Variants in DOCK2 observed in about 807,000 individuals in gnomAD.
DOCK2 encodes the protein dedicator of cytokinesis 2.
A neutral mutation model predicts 248.9 loss-of-function variants in DOCK2; 87 were observed. The observed-to-expected ratio is 0.35, with a 90% confidence interval of 0.29 to 0.42. The LOEUF (loss-of-function observed/expected upper bound fraction) is 0.42, where lower values mean the gene tolerates loss of function less well. DOCK2 is among the 10% of genes least tolerant of loss of function. The pLI, the probability that DOCK2 is intolerant of heterozygous loss-of-function variation, is 1.00. For missense variants in DOCK2, 1,747 were observed against 2,300.2 expected, an observed-to-expected ratio of 0.76 and a Z score of 4.92; for synonymous variants, 805 against 821.6, an observed-to-expected ratio of 0.98 and a Z score of 0.35.
At chr5:169,640,491 G>A (rs184668889) in intron 1 of DOCK2, among the ~76,000 whole-genome samples, 23 of 152,304 alleles carry the variant, frequency 1.5e-4, no homozygotes, top group Admixed American at 1.5e-3. Flanking sequence ...AAGTTTATTA[G>A]CATGTACATC....
chr5:170,047,484 C>G, intron 39 of DOCK2, 26 bp from the exon 40 acceptor site: 1 of 1,608,406 alleles, frequency 6.2e-7, no homozygotes, highest in African/African-American at 1.3e-5. Context: ...ATCTGTGTTG[C>G]AACAAACCTT....
chr5:169,699,027 G>T (rs1760803511), intron 11 of DOCK2, among the ~76,000 whole-genome samples: 1 of 152,168 alleles, frequency 6.6e-6, no homozygotes, highest in Non-Finnish European at 1.5e-5. Context: ...CCTAAGGATG[G>T]TCCAGGTAAT....
chr5:169,720,640 C>T (rs1184811881), intron 22 of DOCK2, among the ~76,000 whole-genome samples: 1 of 152,188 alleles, frequency 6.6e-6, no homozygotes. Context: ...ATGAGATGGA[C>T]ACTGAGCGGC....
At chr5:169,713,130 T>C (rs1761678856) in intron 17 of DOCK2, among the ~76,000 whole-genome samples, 1 of 152,222 alleles carries the variant, frequency 6.6e-6, no homozygotes, top group Non-Finnish European at 1.5e-5. Flanking sequence ...AAAACCCCCT[T>C]TCTTCTGTAC....
chr5:170,019,707 G>A (rs977043502), intron 33 of DOCK2, among the ~76,000 whole-genome samples: 11 of 152,158 alleles, frequency 7.2e-5, no homozygotes, highest in Admixed American at 6.5e-4. Flanking sequence ...GGACAATGAG[G>A]TCCATTTCCC....
chr5:169,819,647 A>G (rs1581237785), intron 26 of DOCK2, among the ~76,000 whole-genome samples: 1 of 152,152 alleles, frequency 6.6e-6, no homozygotes, highest in African/African-American at 2.4e-5. Flanking sequence ...ATTGGGTTCC[A>G]AGATAGCCGA....
chr5:169,784,214 T>G (rs1044467396), intron 25 of DOCK2, among the ~76,000 whole-genome samples: 1 of 152,198 alleles, frequency 6.6e-6, no homozygotes, highest in Admixed American at 6.5e-5. Flanking sequence ...TATTTTTTCC[T>G]GGTAAGACTT....
At chr5:169,880,618 AT>A (rs1190088856) in intron 27 of DOCK2, among the ~76,000 whole-genome samples, 3 of 152,210 alleles carry the variant, frequency 2.0e-5, no homozygotes, top group African/African-American at 7.2e-5. Flanking sequence ...AAACCCTTGC[AT>A]TTGTTCAGAG....
intron 27 of DOCK2, among the ~76,000 whole-genome samples, chr5:169,943,843 G>C (rs777846527): frequency 2.6e-5 from 4 of 152,182 alleles, no homozygotes; most frequent in Non-Finnish European, 5.9e-5. Context: ...TTAAGTTTGA[G>C]AATCCTTACC....
chr5:169,902,276 C>T (rs1223050929), intron 27 of DOCK2, among the ~76,000 whole-genome samples: 1 of 152,192 alleles, frequency 6.6e-6, no homozygotes, highest in East Asian at 1.9e-4. Context: ...CAATGATAAC[C>T]AGCATCACTT....
Position 169,761,600 on chromosome 5 carries a change from C to T in DOCK2, c.2529C>T (p.Val843=), listed in dbSNP as rs2113740019. 6.2e-7 allele frequency: 1 copy of T among 1,614,030 alleles called. No homozygotes were observed. Among genetic ancestry groups the T allele is most frequent in the East Asian group, 2.2e-5 (1 of 44,876 alleles). Residue 843 remains valine, a synonymous_variant, in exon 25 of 52, where the codon GTC becomes GTT. Transcript: ENST00000520908. ...AAGTACAGTCTATGAATGAGATAGTCCAGAGCAACCTCTTTAAAAAGCAAG... is the reference window on the plus strand; with the variant it reads ...AAGTACAGTCTATGAATGAGATAGTTCAGAGCAACCTCTTTAAAAAGCAAG... The part of the protein sequence containing the change: ...KQKVQSMNEI[V]QSNLFKKQEC...
chr5:169,671,080 A>G lies in DOCK2; in HGVS notation c.227A>G (p.Asn76Ser). ...ACTTTTTCTCCCACCTTAAATAGAAATACTGAGAACATCATTCCTGCAGAA... is the reference window on the plus strand; with the variant it reads ...ACTTTTTCTCCCACCTTAAATAGAAGTACTGAGAACATCATTCCTGCAGAA... ...IKEVTVEKRR[N>S]TENIIPAEIP... The change falls in exon 5 of 52, where the codon AAT becomes AGT. Residue 76 changes from asparagine to serine, a missense_variant and splice_region_variant. Transcript: ENST00000520908. 1 of 1,613,882 alleles carries G rather than the reference A, an allele frequency of 6.2e-7. No individual in the cohort carries two copies. Among genetic ancestry groups the G allele is most frequent in the Non-Finnish European group, 8.5e-7 (1 of 1,179,886 alleles).
chr5:169,872,884 A>G (rs957133330), intron 27 of DOCK2, among the ~76,000 whole-genome samples: 3 of 152,204 alleles, frequency 2.0e-5, no homozygotes, highest in Non-Finnish European at 4.4e-5. Context: ...TCCTATCCAC[A>G]TTTTAGGATG....
At chr5:169,774,380 A>G (rs1406708943) in intron 25 of DOCK2, among the ~76,000 whole-genome samples, 2 of 152,184 alleles carry the variant, frequency 1.3e-5, no homozygotes, top group African/African-American at 4.8e-5. Flanking sequence ...AAGTGTAGGT[A>G]TCACTATTCC....
chr5:170,044,555 C>T (rs892511035), intron 38 of DOCK2, among the ~76,000 whole-genome samples: 4 of 152,118 alleles, frequency 2.6e-5, no homozygotes, highest in African/African-American at 9.7e-5. Context: ...TATACTTGAG[C>T]CCAACAGTCC....
chr5:169,991,248 C>G (rs1778198259), intron 29 of DOCK2, among the ~76,000 whole-genome samples: 2 of 152,234 alleles, frequency 1.3e-5, no homozygotes, highest in Admixed American at 1.3e-4. Flanking sequence ...CCTCCTGACA[C>G]CAGGATTTGT....
At chr5:170,017,517 C>T (rs1319775685) in intron 32 of DOCK2, among the ~76,000 whole-genome samples, 1 of 152,182 alleles carries the variant, frequency 6.6e-6, no homozygotes, top group Non-Finnish European at 1.5e-5. Flanking sequence ...TACGGCTCCC[C>T]TTTATGGTTC....
At chr5:170,000,368 T>C (rs935094660) in intron 30 of DOCK2, 7 of 152,236 alleles carry the variant, frequency 4.6e-5, no homozygotes, top group African/African-American at 1.7e-4. Flanking sequence ...GTGAATAAAC[T>C]GAGCTTCAGA....
At chr5:169,680,114 A>G (rs1759579271) in intron 6 of DOCK2, among the ~76,000 whole-genome samples, 1 of 152,194 alleles carries the variant, frequency 6.6e-6, no homozygotes, top group African/African-American at 2.4e-5. Context: ...CCTATCTATT[A>G]TAGTAAGCAT....
Sources: gnomAD v4.1 joint callset for allele counts (sites outside exome capture counted in the v4.1 genomes callset) on GRCh38, gnomAD v4.1.1 for gene constraint, MANE v1.5 for transcripts, NCBI Gene and HGNC (gene_info 2026-07-23, HGNC 2026-07-21) for gene names.